Variants in ASAH1 observed in about 807,000 individuals in gnomAD.
ASAH1 encodes the protein acid ceramidase.
In ASAH1, 70 loss-of-function variants were observed where a neutral mutation model predicts 59.5. That is an observed-to-expected ratio of 1.18 (90% confidence interval 0.97 to 1.43). ASAH1 has a LOEUF of 1.43. Among genes scored for constraint, ASAH1 ranks in the 40% most tolerant of loss-of-function variants. The pLI, the probability that ASAH1 is intolerant of heterozygous loss-of-function variation, is 0.00. For synonymous variants in ASAH1, 213 were observed against 166.5 expected, an observed-to-expected ratio of 1.28 and a Z score of -2.15; for missense variants, 660 against 482.5, an observed-to-expected ratio of 1.37 and a Z score of -3.45.
At chr8:18,058,596 CA>C in intron 13 of ASAH1, 1 of 531,302 alleles carries the variant, frequency 1.9e-6, no homozygotes, top group Non-Finnish European at 3.4e-6. Context: ...AGCCTTAATT[CA>C]AATGCTATGT....
chr8:18,065,613 A>G (rs940461662), intron 5 of ASAH1: 1 of 152,170 alleles, frequency 6.6e-6, no homozygotes, highest in African/African-American at 2.4e-5. Context: ...ATCAATATCT[A>G]AGAATAATTT....
chr8:18,074,903 A>AATC (rs1800329047), intron 2 of ASAH1, among the ~76,000 whole-genome samples: 1 of 152,138 alleles, frequency 6.6e-6, no homozygotes, highest in Non-Finnish European at 1.5e-5. Flanking sequence ...CACCATAGAG[A>AATC]ATCACAGGTC....
At chr8:18,072,272 C>G (rs1225108227) in intron 2 of ASAH1, among the ~76,000 whole-genome samples, 1 of 152,196 alleles carries the variant, frequency 6.6e-6, no homozygotes, top group African/African-American at 2.4e-5. Context: ...GGCAGGGTGA[C>G]TCTGGTATGT....
chr8:18,056,390 C>A lies in ASAH1; in HGVS notation c.*1144G>T, dbSNP rs548201274. 1.3e-5 allele frequency: 2 copies of A among 152,010 alleles called. No homozygotes were observed. Among genetic ancestry groups the A allele is most frequent in the Non-Finnish European group, 2.9e-5 (2 of 68,020 alleles). 9.4% of individuals were successfully genotyped at this position (152,010 alleles called of 1,614,324 possible). A position where few individuals can be genotyped will look rare whatever the true frequency, so the allele number is the denominator to read the frequency against. ...CAGCTTGTATTTCTTGATAATAACC[C>A]CCCTCCTCCAAACCAACACAGATGT... On this transcript the variant is annotated 3_prime_UTR_variant, in exon 14 of 14. Coordinates refer to ENST00000637790, the MANE Select transcript of ASAH1 (RefSeq NM_177924.5).
At chr8:18,081,925 C>T (rs9650590) in intron 1 of ASAH1, among the ~76,000 whole-genome samples, 106 of 152,108 alleles carry the variant, frequency 7.0e-4, no homozygotes, top group Non-Finnish European at 1.3e-3. Context: ...ATTAATGAGG[C>T]CTTGGCACAG....
At chr8:18,073,462 C>G (rs1184243067) in intron 2 of ASAH1, among the ~76,000 whole-genome samples, 1 of 152,202 alleles carries the variant, frequency 6.6e-6, no homozygotes, top group Non-Finnish European at 1.5e-5. Flanking sequence ...ACCCACATGG[C>G]TACCTAGGTG....
At chr8:18,072,291 G>T (rs1405809572) in intron 2 of ASAH1, among the ~76,000 whole-genome samples, 1 of 152,160 alleles carries the variant, frequency 6.6e-6, no homozygotes, top group African/African-American at 2.4e-5. Context: ...GTGCCACAAT[G>T]ATACCAGTCT....
At position 18,080,101 on chromosome 8, in the gene ASAH1, G is replaced by A. The variant is rs566914147; in HGVS notation, c.78+3880C>T. On this transcript the variant is annotated intron_variant, in intron 1 of 13. Coordinates refer to ENST00000637790, the MANE Select transcript of ASAH1 (RefSeq NM_177924.5). ...GTGTGTTCCCTCTTTGGGAGAAGTA[G>A]GGAAAAGCAGATGAAGTGCAATAAA... Among the ~76,000 whole-genome samples the A allele has an allele frequency of 1.2e-3, 184 of 152,318 alleles. 1 individual carries two copies. The highest frequency in any genetic ancestry group is 4.4e-3 in the African/African-American group (181 of 41,568).
intron 5 of ASAH1, chr8:18,065,736 T>C (rs1280122218): frequency 6.6e-6 from 1 of 152,130 alleles, no homozygotes; most frequent in Non-Finnish European, 1.5e-5. Flanking sequence ...TACCACCTAA[T>C]TTGAAGACTT....
chr8:18,073,284 A>G lies in ASAH1; in HGVS notation c.126-1894T>C. Reference sequence around the variant, plus strand: ...ATAACAGCAGGGAAGACACTATATGAAAAATGCAAAAATAAAAAAAACACT... The same window carrying G: ...ATAACAGCAGGGAAGACACTATATGGAAAATGCAAAAATAAAAAAAACACT... On this transcript the variant is annotated intron_variant, in intron 2 of 13. Coordinates refer to ENST00000637790, the MANE Select transcript of ASAH1 (RefSeq NM_177924.5). 1 of 1,574,040 alleles carries G rather than the reference A, an allele frequency of 6.4e-7. No individual in the cohort carries two copies. The highest frequency in any genetic ancestry group is 8.7e-7 in the Non-Finnish European group (1 of 1,151,170).
At chr8:18,084,590 G>A (rs1800818264), upstream of ASAH1, 1 of 1,585,130 alleles carries the variant, frequency 6.3e-7, no homozygotes, top group Non-Finnish European at 8.6e-7. Flanking sequence ...TCCCCACCGC[G>A]GAGTCAGGGA....
At chr8:18,067,152 A>G in intron 5 of ASAH1, 68 bp downstream of exon 5, 2 of 1,442,522 alleles carry the variant, frequency 1.4e-6, no homozygotes, top group Non-Finnish European at 1.9e-6. Flanking sequence ...TATGTATATC[A>G]CACCTCAATG....
upstream of ASAH1, chr8:18,084,720 C>T (rs151100700): frequency 2.8e-4 from 453 of 1,613,716 alleles, 2 homozygotes; most frequent in East Asian, 7.5e-3. Context: ...ATTGAGGCCT[C>T]GGTGAAAAGC....
At chr8:18,064,106 C>A (rs1216382543) in intron 6 of ASAH1, 5 of 435,168 alleles carry the variant, frequency 1.1e-5, no homozygotes, top group Non-Finnish European at 2.0e-5. Context: ...AAGAAAAGGA[C>A]AGATGTCATG....
chr8:18,059,251 T>C (rs1389349390), intron 12 of ASAH1, 90 bp downstream of exon 12: 1 of 1,592,334 alleles, frequency 6.3e-7, no homozygotes, highest in Non-Finnish European at 8.6e-7. Flanking sequence ...AGGACGTTTA[T>C]AAATTACTTG....
chr8:18,074,342 T>G (rs1037708537), intron 2 of ASAH1, among the ~76,000 whole-genome samples: 1 of 152,202 alleles, frequency 6.6e-6, no homozygotes, highest in African/African-American at 2.4e-5. Flanking sequence ...CTAAATTGCT[T>G]CCTGCCAAAT....
At chr8:18,069,698 T>C in intron 4 of ASAH1, 94 bp downstream of exon 4, 1 of 877,038 alleles carries the variant, frequency 1.1e-6, no homozygotes, top group South Asian at 1.4e-5. Context: ...TTTGCCCAAG[T>C]CCCTGCGAAG....
intron 3 of ASAH1, 64 bp from the exon 4 acceptor site, chr8:18,069,942 CT>C: frequency 8.3e-7 from 1 of 1,205,268 alleles, no homozygotes; most frequent in African/African-American, 1.5e-5. Flanking sequence ...TACCTTTTGG[CT>C]TACCCATATG....
intron 4 of ASAH1, chr8:18,069,487 C>A: frequency 7.6e-6 from 2 of 262,562 alleles, no homozygotes; most frequent in South Asian, 4.9e-5. Context: ...GAAAAAAAAC[C>A]AAGTCTTCAA....
Sources: allele counts gnomAD v4.1 joint callset (sites outside exome capture counted in the v4.1 genomes callset), GRCh38; gene constraint gnomAD v4.1.1; transcripts MANE v1.5; gene names NCBI Gene and HGNC (gene_info 2026-07-23, HGNC 2026-07-21).